ERBB4: variants seen among roughly 807,000 people sequenced by gnomAD.
ERBB4 encodes the protein erb-b2 receptor tyrosine kinase 4, also known as receptor tyrosine-protein kinase erbB-4.
In ERBB4, 42 loss-of-function variants were observed where a neutral mutation model predicts 158.0. The ratio of observed to expected loss-of-function variants is 0.27; its 90% CI spans 0.21 to 0.34. ERBB4 has a LOEUF of 0.34. Ranked by LOEUF, ERBB4 falls within the 10% of genes least tolerant of loss-of-function variation. The probability of loss-of-function intolerance (pLI) is 1.00; values close to 1 mark genes in which losing one functional copy is unlikely to be tolerated. For synonymous variants in ERBB4, 583 were observed against 558.7 expected, an observed-to-expected ratio of 1.04 and a Z score of -0.61; for missense variants, 1,333 against 1,624.1, an observed-to-expected ratio of 0.82 and a Z score of 3.08.
intron 1 of ERBB4, among the ~76,000 whole-genome samples, chr2:212,216,991 G>C (rs2083120159): frequency 6.6e-6 from 1 of 151,378 alleles, no homozygotes; most frequent in Non-Finnish European, 1.5e-5. Flanking sequence ...TCCTTCACAT[G>C]TATGTGTTAA....
chr2:211,934,420 A>G (rs1195873732), intron 3 of ERBB4, among the ~76,000 whole-genome samples: 1 of 152,050 alleles, frequency 6.6e-6, no homozygotes, highest in Non-Finnish European at 1.5e-5. Context: ...ATGTATGAAT[A>G]AAATTAACTA....
chr2:211,505,360 T>C (rs557900275), intron 20 of ERBB4, among the ~76,000 whole-genome samples: 2 of 152,004 alleles, frequency 1.3e-5, no homozygotes, highest in African/African-American at 4.8e-5. Context: ...TCCTGCTAAA[T>C]TAAGCTTCAT....
intron 1 of ERBB4, among the ~76,000 whole-genome samples, chr2:212,354,121 T>G (rs2089370735): frequency 6.6e-6 from 1 of 152,158 alleles, no homozygotes; most frequent in Non-Finnish European, 1.5e-5. Flanking sequence ...GCTCTTCATA[T>G]TTTTTATTCT....
chr2:212,257,142 G>A (rs1169062398), intron 1 of ERBB4, among the ~76,000 whole-genome samples: 1 of 152,082 alleles, frequency 6.6e-6, no homozygotes, highest in East Asian at 1.9e-4. Context: ...TTATAAGTGA[G>A]GACATGCAAT....
intron 1 of ERBB4, among the ~76,000 whole-genome samples, chr2:212,259,962 A>C (rs994681676): frequency 2.0e-5 from 3 of 151,852 alleles, no homozygotes; most frequent in Admixed American, 6.6e-5. Context: ...CCAGCTACTC[A>C]AGAGGCTGAG....
At chr2:212,058,268 T>A (rs2077643853) in intron 2 of ERBB4, among the ~76,000 whole-genome samples, 1 of 152,174 alleles carries the variant, frequency 6.6e-6, no homozygotes, top group Admixed American at 6.5e-5. Flanking sequence ...AATAGACCCA[T>A]AACAGGCTCT....
intron 1 of ERBB4, among the ~76,000 whole-genome samples, chr2:212,267,650 C>G (rs1020706958): frequency 1.4e-5 from 2 of 140,648 alleles, no homozygotes; most frequent in Non-Finnish European, 3.0e-5. Flanking sequence ...GCACAATGTG[C>G]AGGTTTGTTA....
Position 212,302,177 on chromosome 2 carries a change from T to G in ERBB4, c.83-177274A>C, listed in dbSNP as rs532488710. On this transcript the variant is annotated intron_variant, in intron 1 of 27. Transcript: ENST00000342788. ...AACCTCAGTTTACCCATTTGTATTA[T>G]GAAGCCAACACTACCTTCTTCAATA... Among the ~76,000 whole-genome samples, 13 of 151,584 alleles carry G rather than the reference T, an allele frequency of 8.6e-5. No individual in the cohort carries two copies. In the East Asian group the frequency reaches 2.5e-3, roughly 30 times the overall value.
chr2:211,865,596 T>C (rs1252558253), intron 3 of ERBB4, among the ~76,000 whole-genome samples: 1 of 152,326 alleles, frequency 6.6e-6, no homozygotes, highest in East Asian at 1.9e-4. Flanking sequence ...CAAGTGATTC[T>C]CTCGCCTCAG....
intron 2 of ERBB4, among the ~76,000 whole-genome samples, chr2:212,053,605 T>C (rs979919145): frequency 1.3e-5 from 2 of 152,208 alleles, no homozygotes; most frequent in African/African-American, 4.8e-5. Context: ...CCTTCAAATA[T>C]TTCCCTTTGT....
At chr2:211,857,309 T>C (rs1260070254) in intron 3 of ERBB4, among the ~76,000 whole-genome samples, 1 of 152,196 alleles carries the variant, frequency 6.6e-6, no homozygotes, top group Non-Finnish European at 1.5e-5. Context: ...AAAAAATTTC[T>C]AGTTCATAAA....
chr2:211,915,354 C>T (rs1217214822), intron 3 of ERBB4, among the ~76,000 whole-genome samples: 1 of 151,858 alleles, frequency 6.6e-6, no homozygotes, highest in Non-Finnish European at 1.5e-5. Flanking sequence ...ATTAAAGTTT[C>T]ACATCAACAT....
At chr2:212,034,146 A>T (rs929763476) in intron 2 of ERBB4, among the ~76,000 whole-genome samples, 2 of 151,594 alleles carry the variant, frequency 1.3e-5, no homozygotes, top group African/African-American at 4.8e-5. Context: ...TACCCATATT[A>T]AAAAAAACCC....
intron 1 of ERBB4, among the ~76,000 whole-genome samples, chr2:212,129,179 A>G (rs950186947): frequency 6.6e-6 from 1 of 151,678 alleles, no homozygotes; most frequent in Admixed American, 6.6e-5. Flanking sequence ...TGCAACCTAT[A>G]TATAATTTAT....
rs77520823 is a variant in ERBB4 at position 212,033,620 on chromosome 2, T to C, written c.235-86004A>G. ...GTTATTTTAACTTTGATCCAGGAAA[T>C]TGTAAAAATTGTACATACCAAAGGG... On this transcript the variant is annotated intron_variant, in intron 2 of 27. Transcript: ENST00000342788. Among the ~76,000 whole-genome samples, 1,202 of 151,898 alleles carry C rather than the reference T, an allele frequency of 7.9e-3. 13 individuals carry two copies. Among genetic ancestry groups the C allele is most frequent in the Non-Finnish European group, 0.011 (776 of 67,760 alleles).
intron 20 of ERBB4, among the ~76,000 whole-genome samples, chr2:211,443,413 TG>T (rs2064034192): frequency 6.6e-6 from 1 of 152,104 alleles, no homozygotes; most frequent in Non-Finnish European, 1.5e-5. Context: ...ATTTGGGCTT[TG>T]GGCTAAATGC....
At chr2:211,651,139 T>C (rs2070966963) in intron 16 of ERBB4, among the ~76,000 whole-genome samples, 1 of 152,194 alleles carries the variant, frequency 6.6e-6, no homozygotes, top group South Asian at 2.1e-4. Context: ...CACTGAGACC[T>C]TACCTTACAG....
chr2:211,455,041 A>G (rs569963182), intron 20 of ERBB4, among the ~76,000 whole-genome samples: 1 of 152,332 alleles, frequency 6.6e-6, no homozygotes, highest in Admixed American at 6.5e-5. Context: ...GCTACTTACA[A>G]CAAAGAATGT....
intron 1 of ERBB4, among the ~76,000 whole-genome samples, chr2:212,364,868 G>C (rs576235168): frequency 6.6e-6 from 1 of 151,062 alleles, no homozygotes; most frequent in East Asian, 2.0e-4. Context: ...TTCTGAGTTA[G>C]GAAGCTGTAA....
Sources: allele counts gnomAD v4.1 joint callset (sites outside exome capture counted in the v4.1 genomes callset), GRCh38; gene constraint gnomAD v4.1.1; transcripts MANE v1.5; gene names NCBI Gene and HGNC (gene_info 2026-07-23, HGNC 2026-07-21).